The following AMN1 variants were observed in gnomAD, a reference collection of about 807,000 sequenced individuals.
The protein encoded by AMN1 is protein AMN1 homolog.
AMN1 carries 20 observed loss-of-function variants against 33.0 expected under a neutral mutation model. The ratio of observed to expected loss-of-function variants is 0.61; its 90% CI spans 0.43 to 0.88. The LOEUF is 0.88. AMN1 is among the 40% of genes least tolerant of loss of function. The pLI, the probability that AMN1 is intolerant of heterozygous loss-of-function variation, is 0.00. For missense variants in AMN1, 246 were observed against 307.4 expected (o/e 0.80, Z 1.49); for synonymous variants, 114 against 111.9 (o/e 1.02, Z -0.12).
intron 1 of AMN1, among the ~76,000 whole-genome samples, chr12:31,716,240 T>G (rs190033448): frequency 1.5e-3 from 231 of 152,348 alleles, no homozygotes; most frequent in African/African-American, 5.1e-3. Context: ...TATTCTGTTG[T>G]TTGACCAATT....
rs1040319620 is a variant in AMN1, at chr12:31,687,659, G to A, written c.703+1348C>T. 3.3e-5 allele frequency among the ~76,000 whole-genome samples: 5 copies of A among 151,736 alleles called. No individual in the cohort carries two copies. Among genetic ancestry groups the A allele is most frequent in the Admixed American group, 6.6e-5 (1 of 15,240 alleles). On this transcript the variant is annotated intron_variant, in intron 6 of 6. Transcript: ENST00000281471. This position sits in a 1 kb window ranked among gnomAD's most constrained non-coding sequence, Gnocchi z 4.1. ...GATTGCACCACTGCACTCCAGCCTC[G>A]GCGGGTGACAGAGCGAGATTCTGTC...
chr12:31,726,937 A>G (rs1191106784), intron 1 of AMN1, among the ~76,000 whole-genome samples: 1 of 152,190 alleles, frequency 6.6e-6, no homozygotes, highest in Non-Finnish European at 1.5e-5. Flanking sequence ...TTAAAATTCT[A>G]TCCAAATGAA....
chr12:31,690,044 A>C (rs1938435330), intron 5 of AMN1, among the ~76,000 whole-genome samples: 1 of 152,220 alleles, frequency 6.6e-6, no homozygotes, highest in Non-Finnish European at 1.5e-5. Flanking sequence ...TTCACTTAGA[A>C]GAATAATCTC....
Position 31,697,733 on chromosome 12 carries a change from C to T in AMN1, c.534+7G>A. On this transcript the variant is annotated splice_region_variant and intron_variant, in intron 4 of 6. Transcript: ENST00000281471. ...GTCTATATGTTTGTAGCCTATATGT[C>T]ATTTACCTGAGTAGCTGAAAAGTCG... 6.2e-7 allele frequency: 1 copy of T among 1,612,332 alleles called. No homozygotes were observed. Among genetic ancestry groups the T allele is most frequent in the Non-Finnish European group, 8.5e-7 (1 of 1,178,436 alleles).
intron 1 of AMN1, among the ~76,000 whole-genome samples, chr12:31,718,051 C>T (rs1054456932): frequency 1.3e-5 from 2 of 152,122 alleles, no homozygotes; most frequent in Non-Finnish European, 2.9e-5. Context: ...CTTTCAGGTA[C>T]ACCAATCAAT....
At chr12:31,692,720 C>T (rs1938556916) in intron 5 of AMN1, among the ~76,000 whole-genome samples, 2 of 151,884 alleles carry the variant, frequency 1.3e-5, no homozygotes, top group Non-Finnish European at 2.9e-5. Flanking sequence ...GAATTACCAA[C>T]AATAAAAAAC....
At chr12:31,688,185 C>T (rs1430396612) in intron 6 of AMN1, among the ~76,000 whole-genome samples, 1 of 152,196 alleles carries the variant, frequency 6.6e-6, no homozygotes, top group East Asian at 1.9e-4. Context: ...AACTCCCAAC[C>T]TCAGGTGATC....
At chr12:31,724,790 A>G (rs544718378) in intron 1 of AMN1, among the ~76,000 whole-genome samples, 1 of 152,288 alleles carries the variant, frequency 6.6e-6, no homozygotes, top group East Asian at 1.9e-4. Context: ...TCCCAAAGTA[A>G]ATGGTTTCCT....
intron 6 of AMN1, among the ~76,000 whole-genome samples, chr12:31,676,512 T>C (rs12316869): frequency 0.95 from 142,943 of 150,972 alleles, 68,389 homozygotes; most frequent in East Asian, 1. Flanking sequence ...TTAGTAGAGA[T>C]GGGGTTTCAC....
rs2139708625 is a variant in AMN1, at chr12:31,709,268, G to A, written c.171+25C>T. 3 of 1,608,856 alleles carry A rather than the reference G, an allele frequency of 1.9e-6. No individual in the cohort carries two copies. The East Asian group carries it at 6.7e-5, about 36-fold the overall frequency. On this transcript the variant is annotated intron_variant, in intron 2 of 6. Transcript: ENST00000281471. ...TCTAAACAGAAAATATAATATGCTT[G>A]CTTTACAGTTATTCATACTCTTACC...
chr12:31,698,062 C>G, intron 3 of AMN1, 105 bp from the exon 4 acceptor site: 1 of 1,093,088 alleles, frequency 9.1e-7, no homozygotes, highest in Non-Finnish European at 1.3e-6. Context: ...CAGTGTTAGC[C>G]CTTTTCAAAG....
At chr12:31,680,390 G>A (rs1460316212) in intron 6 of AMN1, among the ~76,000 whole-genome samples, 2 of 151,838 alleles carry the variant, frequency 1.3e-5, no homozygotes, top group Non-Finnish European at 2.9e-5. Flanking sequence ...TAGTAGAGAC[G>A]GGGTTTCACC....
chr12:31,725,718 T>G (rs1258802243), intron 1 of AMN1, among the ~76,000 whole-genome samples: 1 of 152,220 alleles, frequency 6.6e-6, no homozygotes, highest in Non-Finnish European at 1.5e-5. Flanking sequence ...TATTTAGAGA[T>G]GGAGTCTCAC....
intron 5 of AMN1, among the ~76,000 whole-genome samples, chr12:31,690,179 T>C (rs57688887): frequency 6.6e-6 from 1 of 152,252 alleles, no homozygotes; most frequent in Non-Finnish European, 1.5e-5. Context: ...TTTGCATTGG[T>C]TCCACATTTT....
intron 1 of AMN1, chr12:31,714,857 T>C: frequency 2.1e-6 from 2 of 942,534 alleles, no homozygotes; most frequent in South Asian, 9.8e-5. Context: ...AAATATAAAC[T>C]AGGAGGATCT....
chr12:31,710,198 A>C (rs1025423335), intron 1 of AMN1, among the ~76,000 whole-genome samples: 2 of 152,206 alleles, frequency 1.3e-5, no homozygotes, highest in Non-Finnish European at 2.9e-5. Context: ...GAGATATCAA[A>C]CTCAGTGCCA....
chr12:31,703,383 T>C lies in AMN1; in HGVS notation c.172-1376A>G, dbSNP rs56224974. On this transcript the variant is annotated intron_variant, in intron 2 of 6. Transcript: ENST00000281471. ...CATGATGCTGAAGTTTAGGCTTCAA[T>C]TGAACCCATCACCCAAAGAGTGAAC... Among the ~76,000 whole-genome samples, 1,278 of 152,328 alleles carry C rather than the reference T, an allele frequency of 8.4e-3. 18 individuals carry two copies. Among genetic ancestry groups the C allele is most frequent in the African/African-American group, 0.029 (1,203 of 41,568 alleles).
chr12:31,679,596 G>C (rs1937903458), intron 6 of AMN1, among the ~76,000 whole-genome samples: 1 of 152,212 alleles, frequency 6.6e-6, no homozygotes, highest in East Asian at 1.9e-4. Flanking sequence ...AATTCAAGTC[G>C]ACTAAATTGA....
intron 1 of AMN1, among the ~76,000 whole-genome samples, chr12:31,722,784 CTTG>C (rs926755200): frequency 6.6e-6 from 1 of 152,220 alleles, no homozygotes; most frequent in African/African-American, 2.4e-5. Context: ...CCTGGATTCT[CTTG>C]TTGTACTGAA....
Sources: gnomAD v4.1 joint callset for allele counts (sites outside exome capture counted in the v4.1 genomes callset) on GRCh38, gnomAD v4.1.1 for gene constraint, Gnocchi (gnomAD v3.1) non-coding constraint, MANE v1.5 for transcripts, NCBI Gene and HGNC (gene_info 2026-07-23, HGNC 2026-07-21) for gene names.